The following ANTXR2 variants were observed in gnomAD, a reference collection of about 807,000 sequenced individuals.
ANTXR2 encodes the protein ANTXR cell adhesion molecule 2, also known as anthrax toxin receptor 2.
A neutral mutation model predicts 73.7 loss-of-function variants in ANTXR2; 44 were observed. That is an observed-to-expected ratio of 0.60 (90% CI 0.47 to 0.77). The LOEUF is 0.77. Among genes scored for constraint, ANTXR2 ranks in the 30% least tolerant of loss-of-function variants. The pLI, the probability that ANTXR2 is intolerant of heterozygous loss-of-function variation, is 0.00. For missense variants in ANTXR2, 604 were observed against 592.5 expected, an observed-to-expected ratio of 1.02 and a Z score of -0.20; for synonymous variants, 217 against 205.9, an observed-to-expected ratio of 1.05 and a Z score of -0.46.
chr4:80,072,044 G>A lies in ANTXR2; in HGVS notation c.152+365C>T, dbSNP rs549302105. On this transcript the variant is annotated intron_variant, in intron 1 of 16. Coordinates refer to ENST00000403729, the MANE Select transcript of ANTXR2 (RefSeq NM_058172.6). ...AAGCGCTATGATTAGGATAAAACCA[G>A]GCAAACTTTAGCCTGCGTACGAGCA... Among the ~76,000 whole-genome samples, 131 of 152,284 alleles carry A rather than the reference G, an allele frequency of 8.6e-4. 1 individual carries two copies. Among genetic ancestry groups the A allele is most frequent in the African/African-American group, 3.0e-3 (123 of 41,562 alleles).
At chr4:80,003,976 A>T (rs1731181867) in intron 12 of ANTXR2, among the ~76,000 whole-genome samples, 1 of 152,140 alleles carries the variant, frequency 6.6e-6, no homozygotes, top group Admixed American at 6.6e-5. Flanking sequence ...TAGTAGCTTT[A>T]TTCATAATAG....
chr4:79,994,686 T>C (rs1318554243), intron 12 of ANTXR2, among the ~76,000 whole-genome samples: 3 of 151,928 alleles, frequency 2.0e-5, no homozygotes, highest in Non-Finnish European at 4.4e-5. Context: ...TAGCATCTAG[T>C]TTAATAGTGA....
At chr4:80,013,402 G>A (rs1192418296) in intron 11 of ANTXR2, among the ~76,000 whole-genome samples, 10 of 152,168 alleles carry the variant, frequency 6.6e-5, no homozygotes, top group Admixed American at 5.2e-4. Flanking sequence ...GAAGCAAACA[G>A]GAACTCACAG....
chr4:80,070,616 T>G (rs1298418140), intron 2 of ANTXR2, among the ~76,000 whole-genome samples: 1 of 152,234 alleles, frequency 6.6e-6, no homozygotes, highest in South Asian at 2.1e-4. Context: ...TGATTGAACA[T>G]GGACAGGCAT....
At chr4:80,024,515 C>T in intron 10 of ANTXR2, 1 of 275,262 alleles carries the variant, frequency 3.6e-6, no homozygotes, top group Non-Finnish European at 7.3e-6. Context: ...AATCCCAACA[C>T]TTTGGGAGGC....
chr4:80,048,019 A>G (rs1733601309), intron 7 of ANTXR2, among the ~76,000 whole-genome samples: 1 of 151,730 alleles, frequency 6.6e-6, no homozygotes, highest in Non-Finnish European at 1.5e-5. Flanking sequence ...TCTAATGTTC[A>G]AATATACCAT....
chr4:79,984,119 A>G, intron 13 of ANTXR2, 149 bp from the exon 14 acceptor site: 1 of 597,632 alleles, frequency 1.7e-6, no homozygotes, highest in Non-Finnish European at 2.8e-6. Context: ...TTACACTTAC[A>G]TGCATAAATT....
chr4:79,976,919 ATTG>A (rs1729659583), intron 16 of ANTXR2, among the ~76,000 whole-genome samples: 1 of 152,202 alleles, frequency 6.6e-6, no homozygotes, highest in Admixed American at 6.5e-5. Context: ...AAACCTATCC[ATTG>A]TTACATATGA....
intron 7 of ANTXR2, among the ~76,000 whole-genome samples, chr4:80,036,641 A>G (rs1732981916): frequency 6.6e-6 from 1 of 152,006 alleles, no homozygotes; most frequent in Non-Finnish European, 1.5e-5. Flanking sequence ...CTCTACTAAA[A>G]ATACAAAAAA....
At chr4:79,932,316 C>T (rs1324750297) in intron 16 of ANTXR2, among the ~76,000 whole-genome samples, 2 of 151,112 alleles carry the variant, frequency 1.3e-5, no homozygotes, top group African/African-American at 4.9e-5. Context: ...TTGACCAAGT[C>T]ATATTACCAT....
At chr4:80,038,186 C>A (rs531620117) in intron 7 of ANTXR2, among the ~76,000 whole-genome samples, 1 of 152,188 alleles carries the variant, frequency 6.6e-6, no homozygotes, top group South Asian at 2.1e-4. Context: ...TGTCAAAAAA[C>A]ATGCATCCGG....
intron 2 of ANTXR2, among the ~76,000 whole-genome samples, chr4:80,070,183 A>G (rs1425586790): frequency 6.6e-6 from 1 of 152,240 alleles, no homozygotes; most frequent in African/African-American, 2.4e-5. Flanking sequence ...AAGATATGAA[A>G]CTAGAATCTA....
intron 1 of ANTXR2, among the ~76,000 whole-genome samples, chr4:80,072,088 A>T (rs1734816021): frequency 6.6e-6 from 1 of 152,124 alleles, no homozygotes; most frequent in African/African-American, 2.4e-5. Flanking sequence ...GAGGTGGGTA[A>T]GGACTCTGTG....
At chr4:80,070,431 A>G (rs950583438) in intron 2 of ANTXR2, among the ~76,000 whole-genome samples, 1 of 152,222 alleles carries the variant, frequency 6.6e-6, no homozygotes, top group Non-Finnish European at 1.5e-5. Flanking sequence ...ATCAAAATCT[A>G]CATGACACCC....
intron 8 of ANTXR2, 134 bp from the exon 9 acceptor site, chr4:80,033,704 A>C: frequency 1.6e-6 from 1 of 641,838 alleles, no homozygotes; most frequent in East Asian, 3.1e-5. Context: ...AGCAATGAAG[A>C]CATAGCTCTA....
chr4:80,065,367 G>T (rs944465349), intron 3 of ANTXR2, among the ~76,000 whole-genome samples: 1 of 152,002 alleles, frequency 6.6e-6, no homozygotes, highest in Non-Finnish European at 1.5e-5. Flanking sequence ...CTATTTATGT[G>T]CATGTGTATA....
At chr4:80,001,169 A>AT (rs34952425) in intron 12 of ANTXR2, among the ~76,000 whole-genome samples, 7 of 151,754 alleles carry the variant, frequency 4.6e-5, no homozygotes, top group Middle Eastern at 3.4e-3. Flanking sequence ...ACCATTGCAA[A>AT]TTTTTTTTTA....
At chr4:80,056,174 AT>A (rs1359259879) in intron 3 of ANTXR2, among the ~76,000 whole-genome samples, 161 bp from the exon 4 acceptor site, 1 of 151,940 alleles carries the variant, frequency 6.6e-6, no homozygotes, top group Non-Finnish European at 1.5e-5. Flanking sequence ...ACTTTTTGTA[AT>A]TTTAGTAAGT....
chr4:79,946,600 G>A (rs1260125789), intron 16 of ANTXR2, among the ~76,000 whole-genome samples: 2 of 152,142 alleles, frequency 1.3e-5, no homozygotes, highest in Non-Finnish European at 2.9e-5. Context: ...ACTGCAAATT[G>A]TCAGTAGCCA....
Sources: allele counts gnomAD v4.1 joint callset (sites outside exome capture counted in the v4.1 genomes callset), GRCh38; gene constraint gnomAD v4.1.1; transcripts MANE v1.5; gene names NCBI Gene and HGNC (gene_info 2026-07-23, HGNC 2026-07-21).